DLGAP1: variants seen among roughly 807,000 people sequenced by gnomAD.
The protein encoded by DLGAP1 is disks large-associated protein 1.
Under a neutral mutation model 90.8 loss-of-function variants are expected in DLGAP1, and 11 were observed. The ratio of observed to expected loss-of-function variants is 0.12; its 90% CI spans 0.08 to 0.20. The LOEUF (loss-of-function observed/expected upper bound fraction) is 0.20, where lower values mean the gene tolerates loss of function less well. Ranked by LOEUF, DLGAP1 falls within the 10% of genes least tolerant of loss-of-function variation. The pLI is 1.00. For synonymous variants in DLGAP1, 558 were observed against 540.7 expected (o/e 1.03, Z -0.44); for missense variants, 1,050 against 1,333.8 (o/e 0.79, Z 3.31).
At chr18:3,893,656 T>C (rs2071541574) in intron 3 of DLGAP1, among the ~76,000 whole-genome samples, 1 of 151,266 alleles carries the variant, frequency 6.6e-6, no homozygotes, top group Non-Finnish European at 1.5e-5. Flanking sequence ...GAACACAGGT[T>C]GACTCCATGA....
chr18:4,247,105 G>A (rs62086522), intron 1 of DLGAP1, among the ~76,000 whole-genome samples: 5,196 of 152,140 alleles, frequency 0.034, 111 homozygotes, highest in Non-Finnish European at 0.054. Context: ...GAAGGAGGAG[G>A]AGAAGGATGA....
chr18:4,274,979 C>A (rs1465625114), intron 1 of DLGAP1, among the ~76,000 whole-genome samples: 2 of 152,060 alleles, frequency 1.3e-5, no homozygotes, highest in African/African-American at 4.8e-5. Context: ...AAGAAATAAT[C>A]TTTCAAAGAA....
At chr18:4,206,448 G>T (rs2077722296) in intron 1 of DLGAP1, among the ~76,000 whole-genome samples, 1 of 152,134 alleles carries the variant, frequency 6.6e-6, no homozygotes, top group Admixed American at 6.5e-5. Flanking sequence ...AGGGCACCGG[G>T]AAGTGGCTGC....
rs780588905 is a variant in DLGAP1, at chr18:3,879,940, G to A, written c.129C>T (p.Asp43=). 1.1e-5 allele frequency: 18 copies of A among 1,612,822 alleles called. No individual in the cohort carries two copies. In the East Asian group the frequency reaches 3.3e-4, roughly 30 times the overall value. The change falls in exon 4 of 13, where the codon GAC becomes GAT. Residue 43 remains aspartate (D), a synonymous_variant. Coordinates refer to ENST00000315677, the MANE Select transcript of DLGAP1 (RefSeq NM_004746.4). This position sits in a 1 kb window ranked among gnomAD's most constrained non-coding sequence, Gnocchi z 6.6. The part of the protein sequence containing the change: ...LLSPVEHHPA[D]HPYYTQRNSF... ...AGTTCCGCTGGGTGTAGTATGGGTG[G>A]TCTGCGGGGTGGTGCTCCACTGGGC... is the stretch of plus-strand genomic sequence containing the variant.
intron 2 of DLGAP1, among the ~76,000 whole-genome samples, chr18:4,022,182 C>T (rs9960829): frequency 0.28 from 42,450 of 151,818 alleles, 6,824 homozygotes; most frequent in African/African-American, 0.42. Flanking sequence ...CTTTTTTAAA[C>T]ATAGACTTTA....
chr18:3,867,282 G>A (rs553896862), intron 4 of DLGAP1, among the ~76,000 whole-genome samples: 1 of 152,272 alleles, frequency 6.6e-6, no homozygotes, highest in East Asian at 1.9e-4. Flanking sequence ...GAGGGCCATG[G>A]AAATGCCACT....
chr18:4,415,962 C>A (rs1181277445), intron 1 of DLGAP1, among the ~76,000 whole-genome samples: 2 of 152,158 alleles, frequency 1.3e-5, no homozygotes, highest in Non-Finnish European at 2.9e-5. Flanking sequence ...CTCTCTCCCT[C>A]TCATTTGATC....
chr18:3,909,668 G>A lies in DLGAP1; in HGVS notation c.-72-29528C>T, dbSNP rs533053819. 9.9e-5 allele frequency among the ~76,000 whole-genome samples: 15 copies of A among 152,080 alleles called. No homozygotes were observed. In the South Asian group the frequency reaches 2.1e-3, roughly 21 times the overall value. ...ATAAATAGTGCAACAGTCAATAGAC[G>A]GAAAATTCTTTGAACAGCAGGGATC... is the stretch of plus-strand genomic sequence containing the variant. On this transcript the variant is annotated intron_variant, in intron 3 of 12. Coordinates refer to ENST00000315677, the MANE Select transcript of DLGAP1 (RefSeq NM_004746.4).
chr18:3,526,344 T>A lies in DLGAP1; in HGVS notation c.2479+7850A>T, dbSNP rs571011159. 6.6e-6 allele frequency among the ~76,000 whole-genome samples: 1 copy of A among 152,266 alleles called. No individual in the cohort carries two copies. The highest frequency in any genetic ancestry group is 1.9e-4 in the East Asian group (1 of 5,168). On this transcript the variant is annotated intron_variant, in intron 10 of 12. Transcript: ENST00000315677. The surrounding 1 kb of genome is among the most constrained non-coding windows in gnomAD (Gnocchi z 4.7). ...GAGGCAATCCCAGGCGGATAAACCCTGGGTGATGGCACCGATAGACCATCA... is the reference window on the plus strand; with the variant it reads ...GAGGCAATCCCAGGCGGATAAACCCAGGGTGATGGCACCGATAGACCATCA...
At chr18:4,007,471 A>G (rs1432533691) in intron 2 of DLGAP1, among the ~76,000 whole-genome samples, 1 of 152,152 alleles carries the variant, frequency 6.6e-6, no homozygotes, top group East Asian at 1.9e-4. Context: ...CCTGGCTAAC[A>G]TGGCAAAACC....
intron 7 of DLGAP1, chr18:3,721,879 T>C (rs2061996252): frequency 6.6e-6 from 1 of 152,194 alleles, no homozygotes; most frequent in Non-Finnish European, 1.5e-5. Flanking sequence ...ATTTAAATGA[T>C]AATATCATGT....
chr18:3,955,206 C>T (rs2073061181), intron 3 of DLGAP1, among the ~76,000 whole-genome samples: 1 of 152,104 alleles, frequency 6.6e-6, no homozygotes, highest in Non-Finnish European at 1.5e-5. Flanking sequence ...GCTCAAAGAC[C>T]TCTTGTTTTA....
chr18:4,081,147 CAA>C (rs2075601691), intron 2 of DLGAP1, among the ~76,000 whole-genome samples: 1 of 152,070 alleles, frequency 6.6e-6, no homozygotes, highest in Non-Finnish European at 1.5e-5. Context: ...CTCAGCCTCC[CAA>C]AGTGTTGGGA....
intron 2 of DLGAP1, among the ~76,000 whole-genome samples, chr18:4,099,594 T>G (rs1444603666): frequency 6.6e-6 from 1 of 152,192 alleles, no homozygotes; most frequent in African/African-American, 2.4e-5. Context: ...CAGGGAGTTG[T>G]AATCTTTTTG....
chr18:4,092,475 C>G (rs1272021162), intron 2 of DLGAP1, among the ~76,000 whole-genome samples: 1 of 152,250 alleles, frequency 6.6e-6, no homozygotes, highest in African/African-American at 2.4e-5. Flanking sequence ...GATGGTTTCT[C>G]GTCCATCCCC....
At chr18:4,045,003 C>G (rs1296665355) in intron 2 of DLGAP1, among the ~76,000 whole-genome samples, 1 of 152,046 alleles carries the variant, frequency 6.6e-6, no homozygotes, top group African/African-American at 2.4e-5. Context: ...CCAAGATAAA[C>G]CAAAGAACAA....
chr18:3,874,272 G>T (rs914645661), intron 4 of DLGAP1: 13 of 1,549,196 alleles, frequency 8.4e-6, no homozygotes, highest in Non-Finnish European at 1.0e-5. Flanking sequence ...TTTCCTTCTC[G>T]GTCTGTCTTG....
At chr18:3,669,229 A>G (rs2059992904) in intron 7 of DLGAP1, among the ~76,000 whole-genome samples, 1 of 151,972 alleles carries the variant, frequency 6.6e-6, no homozygotes, top group South Asian at 2.1e-4. Flanking sequence ...CGTATTATTG[A>G]TAAGGAGTGC....
At chr18:4,116,002 G>A (rs938860970) in intron 2 of DLGAP1, among the ~76,000 whole-genome samples, 6 of 151,862 alleles carry the variant, frequency 4.0e-5, no homozygotes, top group East Asian at 1.9e-4. Flanking sequence ...TTCTTTTCTC[G>A]TGCAGATTCA....
Sources: allele counts gnomAD v4.1 joint callset (sites outside exome capture counted in the v4.1 genomes callset), GRCh38; gene constraint gnomAD v4.1.1; non-coding constraint Gnocchi (gnomAD v3.1); transcripts MANE v1.5; gene names NCBI Gene and HGNC (gene_info 2026-07-23, HGNC 2026-07-21).